Variants in DRD3 observed in about 807,000 individuals in gnomAD.
DRD3 encodes the protein D(3) dopamine receptor.
DRD3 carries 19 observed loss-of-function variants against 36.3 expected under a neutral mutation model. That is an observed-to-expected ratio of 0.52 (90% CI 0.36 to 0.77). The LOEUF (loss-of-function observed/expected upper bound fraction) is 0.77, where lower values mean the gene tolerates loss of function less well. Ranked by LOEUF, DRD3 falls within the 30% of genes least tolerant of loss-of-function variation. DRD3 has a pLI of 0.00. For synonymous variants in DRD3, 195 were observed against 203.7 expected (o/e 0.96, Z 0.36); for missense variants, 465 against 505.3 (o/e 0.92, Z 0.77).
intron 1 of DRD3, among the ~76,000 whole-genome samples, chr3:114,186,583 G>C (rs1440421055): frequency 6.6e-6 from 1 of 152,194 alleles, no homozygotes; most frequent in African/African-American, 2.4e-5. Flanking sequence ...TGGAGGACAA[G>C]GTTCTTTTTG....
chr3:114,188,442 C>G (rs2077987554), intron 1 of DRD3, among the ~76,000 whole-genome samples: 1 of 152,054 alleles, frequency 6.6e-6, no homozygotes, highest in African/African-American at 2.4e-5. Context: ...GAACTCCTGA[C>G]CTCAAGTAAT....
intron 5 of DRD3, among the ~76,000 whole-genome samples, chr3:114,134,516 T>C (rs935173800): frequency 6.6e-6 from 1 of 152,028 alleles, no homozygotes; most frequent in African/African-American, 2.4e-5. Flanking sequence ...GCCTCCCAGG[T>C]TCAAGCAATT....
chr3:114,128,180 G>A lies in DRD3; in HGVS notation c.*536C>T, dbSNP rs899723315. Among the ~76,000 whole-genome samples the A allele has an allele frequency of 2.0e-5, 3 of 152,184 alleles. No individual in the cohort carries two copies. The highest frequency in any genetic ancestry group is 4.8e-5 in the African/African-American group (2 of 41,450). ...TTCACCTCACCAAATGTAGCCCATC[G>A]GATTCTACAGAGAGGTAGAAGCACT... On this transcript the variant is annotated 3_prime_UTR_variant, in exon 7 of 7. Coordinates refer to ENST00000383673, the MANE Select transcript of DRD3 (RefSeq NM_000796.6).
chr3:114,163,543 T>C (rs1484776827), intron 2 of DRD3, among the ~76,000 whole-genome samples: 1 of 152,218 alleles, frequency 6.6e-6, no homozygotes, highest in Non-Finnish European at 1.5e-5. Flanking sequence ...TATATTACCA[T>C]TACTCTTCCT....
chr3:114,131,790 A>C (rs1291052365), intron 5 of DRD3, among the ~76,000 whole-genome samples: 1 of 152,262 alleles, frequency 6.6e-6, no homozygotes, highest in Non-Finnish European at 1.5e-5. Context: ...ACATTTATGC[A>C]GCCAACAAAC....
rs115551982 is a variant in DRD3 at position 114,172,751 on chromosome 3, C to G, written c.-35-724G>C. On this transcript the variant is annotated intron_variant, in intron 1 of 6. Transcript: ENST00000383673. ...AAAATGTGGGAATAATGAAACCCAT[C>G]TATCTTAGTCCATTTTGGGTTGCTA... 4.3e-3 allele frequency among the ~76,000 whole-genome samples: 657 copies of G among 152,282 alleles called. 8 individuals carry two copies. The highest frequency in any genetic ancestry group is 0.015 in the African/African-American group (622 of 41,564).
chr3:114,191,415 A>AT (rs2078010196), intron 1 of DRD3, among the ~76,000 whole-genome samples: 1 of 152,206 alleles, frequency 6.6e-6, no homozygotes, highest in African/African-American at 2.4e-5. Flanking sequence ...TGGGAACACG[A>AT]TTGGCACATT....
intron 3 of DRD3, among the ~76,000 whole-genome samples, chr3:114,151,942 G>A (rs1278631595): frequency 1.3e-5 from 2 of 152,202 alleles, no homozygotes; most frequent in African/African-American, 4.8e-5. Context: ...TCCTCAATTC[G>A]CTCGATTCTG....
intron 3 of DRD3, among the ~76,000 whole-genome samples, chr3:114,154,847 G>T (rs931258026): frequency 6.6e-6 from 1 of 152,070 alleles, no homozygotes; most frequent in Non-Finnish European, 1.5e-5. Flanking sequence ...CCCTCTCCCT[G>T]AGTTAGTTTG....
chr3:114,139,542 C>T lies in DRD3; in HGVS notation c.681G>A (p.Gln227=). ...QRRRKRILTR[Q]NSQCNSVRPG... The stretch of plus-strand genomic sequence containing the variant: ...GCCTGACACTGTTGCACTGACTGTT[C>T]TGTCGAGTGAGGATCCTTTTCCGTC... The change falls in exon 5 of 7, where the codon CAG becomes CAA. Residue 227 remains glutamine, a synonymous_variant. Coordinates refer to ENST00000383673, the MANE Select transcript of DRD3 (RefSeq NM_000796.6). The T allele has an allele frequency of 6.2e-7, 1 of 1,614,060 alleles. No individual in the cohort carries two copies. Among genetic ancestry groups the T allele is most frequent in the Non-Finnish European group, 8.5e-7 (1 of 1,179,982 alleles).
At chr3:114,189,757 G>A (rs895234822) in intron 1 of DRD3, among the ~76,000 whole-genome samples, 1 of 152,168 alleles carries the variant, frequency 6.6e-6, no homozygotes, top group Non-Finnish European at 1.5e-5. Flanking sequence ...TACCTGTCTT[G>A]CCCCGAAGGG....
chr3:114,188,048 A>G (rs910076398), intron 1 of DRD3, among the ~76,000 whole-genome samples: 1 of 152,192 alleles, frequency 6.6e-6, no homozygotes, highest in African/African-American at 2.4e-5. Flanking sequence ...ATCCAAGTGC[A>G]CTTGGAGAAT....
At chr3:114,132,538 C>T (rs909995802) in intron 5 of DRD3, among the ~76,000 whole-genome samples, 10 of 149,918 alleles carry the variant, frequency 6.7e-5, no homozygotes, top group South Asian at 4.2e-4. Context: ...CAAACCTGCA[C>T]GTTCAGCACA....
chr3:114,158,860 G>A (rs2077706328), intron 3 of DRD3, among the ~76,000 whole-genome samples: 1 of 152,128 alleles, frequency 6.6e-6, no homozygotes, highest in Non-Finnish European at 1.5e-5. Flanking sequence ...ATGGAAAGTG[G>A]GAGGGAGAGA....
intron 2 of DRD3, among the ~76,000 whole-genome samples, chr3:114,162,532 T>C (rs1044241211): frequency 6.6e-6 from 1 of 152,218 alleles, no homozygotes; most frequent in Non-Finnish European, 1.5e-5. Flanking sequence ...GTCATAATAA[T>C]AGCTAACATT....
chr3:114,141,486 A>AG (rs2077522863), intron 4 of DRD3, among the ~76,000 whole-genome samples: 1 of 152,300 alleles, frequency 6.6e-6, no homozygotes, highest in Admixed American at 6.5e-5. Context: ...CTCTCCCCTG[A>AG]GCCTTTTGAA....
chr3:114,159,453 G>A (rs1461813094), intron 3 of DRD3, among the ~76,000 whole-genome samples: 1 of 151,838 alleles, frequency 6.6e-6, no homozygotes, highest in Admixed American at 6.6e-5. Context: ...CTAATGGGAA[G>A]CTTTCCTTCC....
intron 5 of DRD3, 132 bp from the exon 6 acceptor site, chr3:114,131,532 T>A: frequency 8.0e-7 from 1 of 1,245,002 alleles, no homozygotes; most frequent in South Asian, 1.6e-5. Flanking sequence ...AAAGGGAACA[T>A]CTGAGGGAGT....
chr3:114,139,650 G>A lies in DRD3; in HGVS notation c.573C>T (p.Tyr191=), dbSNP rs758799264. ...CSISNPDFVI[Y]SSVVSFYLPF... The stretch of plus-strand genomic sequence containing the variant: ...GCAGGTAGAAGGACACCACTGAAGA[G>A]TAGATGACAAAATCAGGGTTGGAGA... Residue 191 remains tyrosine, a synonymous_variant, in exon 5 of 7, where the codon TAC becomes TAT. Coordinates refer to ENST00000383673, the MANE Select transcript of DRD3 (RefSeq NM_000796.6). 1.9e-6 allele frequency: 3 copies of A among 1,614,066 alleles called. No homozygotes were observed. Among genetic ancestry groups the A allele is most frequent in the Non-Finnish European group, 2.5e-6 (3 of 1,180,028 alleles).
Sources: gnomAD v4.1 joint callset for allele counts (sites outside exome capture counted in the v4.1 genomes callset) on GRCh38, gnomAD v4.1.1 for gene constraint, MANE v1.5 for transcripts, NCBI Gene and HGNC (gene_info 2026-07-23, HGNC 2026-07-21) for gene names.